Variants in CECR2 observed in about 807,000 individuals in gnomAD.
The protein encoded by CECR2 is chromatin remodeling regulator CECR2.
Under a neutral mutation model 154.5 loss-of-function variants are expected in CECR2, and 30 were observed. The ratio of observed to expected loss-of-function variants is 0.19; its 90% confidence interval spans 0.15 to 0.26. The LOEUF (loss-of-function observed/expected upper bound fraction) is 0.26, where lower values mean the gene tolerates loss of function less well. Among genes scored for constraint, CECR2 ranks in the 10% least tolerant of loss-of-function variants. CECR2 has a pLI of 1.00. For missense variants in CECR2, 1,743 were observed against 1,829.3 expected (o/e 0.95, Z 0.86); for synonymous variants, 725 against 683.7 (o/e 1.06, Z -0.94).
In CECR2 at chr22:17,453,934, G is replaced by C. The variant is rs574885499; in HGVS notation, c.127-23654G>C. ...GGGAAACAAGCATTTCAAACAGCTG[G>C]AAATGGTCAGAGTGGTCATAAAGAG... is the stretch of plus-strand genomic sequence containing the variant. On this transcript the variant is annotated intron_variant, in intron 1 of 18. Transcript: ENST00000262608. 1.8e-4 allele frequency among the ~76,000 whole-genome samples: 27 copies of C among 152,312 alleles called. No individual in the cohort carries two copies. In the South Asian group the frequency reaches 5.6e-3, roughly 32 times the overall value.
intron 7 of CECR2, 150 bp from the exon 8 acceptor site, chr22:17,511,663 G>T (rs1277092929): frequency 3.7e-6 from 2 of 544,324 alleles, no homozygotes; most frequent in Non-Finnish European, 6.6e-6. Context: ...CAGCTGAGCA[G>T]TGGTTCCTGA....
At chr22:17,417,034 T>A (rs2054166414) in intron 1 of CECR2, among the ~76,000 whole-genome samples, 1 of 150,628 alleles carries the variant, frequency 6.6e-6, no homozygotes. Context: ...TTTTTTTTTT[T>A]TACGACAAAG....
intron 1 of CECR2, among the ~76,000 whole-genome samples, chr22:17,426,675 A>G (rs1252834111): frequency 1.3e-5 from 2 of 152,064 alleles, no homozygotes; most frequent in African/African-American, 2.4e-5. Context: ...TTTTTATTCT[A>G]TAGCTTTCCC....
At chr22:17,538,906 A>T in intron 12 of CECR2, 87 bp from the exon 13 acceptor site, 1 of 1,492,292 alleles carries the variant, frequency 6.7e-7, no homozygotes, top group Non-Finnish European at 9.1e-7. Flanking sequence ...GCATTGCTGA[A>T]TTCTCATTAT....
chr22:17,483,789 T>C, intron 2 of CECR2, among the ~76,000 whole-genome samples: 1 of 152,340 alleles, frequency 6.6e-6, no homozygotes, highest in East Asian at 1.9e-4. Context: ...TTTACAGTGA[T>C]GTACAGTCAT....
At chr22:17,510,747 A>G (rs753588792) in intron 7 of CECR2, among the ~76,000 whole-genome samples, 19 of 152,140 alleles carry the variant, frequency 1.2e-4, no homozygotes, top group Admixed American at 4.6e-4. Flanking sequence ...GACTACAGGC[A>G]CGCACCACCA....
At chr22:17,467,033 A>G (rs1387849690) in intron 1 of CECR2, among the ~76,000 whole-genome samples, 1 of 152,118 alleles carries the variant, frequency 6.6e-6, no homozygotes, top group African/African-American at 2.4e-5. Flanking sequence ...GGGAGTGTTC[A>G]TAAAGTTTTT....
intron 1 of CECR2, among the ~76,000 whole-genome samples, chr22:17,376,198 C>T (rs1438279358): frequency 6.6e-6 from 1 of 152,124 alleles, no homozygotes; most frequent in East Asian, 1.9e-4. Flanking sequence ...TTTATACCCA[C>T]GCTTTGAAAG....
intron 1 of CECR2, among the ~76,000 whole-genome samples, chr22:17,445,861 G>T (rs1416957623): frequency 6.6e-6 from 1 of 152,114 alleles, no homozygotes; most frequent in Non-Finnish European, 1.5e-5. Context: ...CCAAAGTGCT[G>T]GGACCCTGCA....
At chr22:17,543,144 T>C (rs1358656220) in intron 16 of CECR2, 141 bp downstream of exon 16, 17 of 1,059,156 alleles carry the variant, frequency 1.6e-5, no homozygotes, top group East Asian at 2.6e-5. Context: ...TTCTGTTTTG[T>C]TTTTTTGAGA....
At chr22:17,532,360 G>A (rs1026627875) in intron 9 of CECR2, among the ~76,000 whole-genome samples, 3 of 152,290 alleles carry the variant, frequency 2.0e-5, no homozygotes, top group South Asian at 2.1e-4. Context: ...GTGAGAGTCT[G>A]TGGCCTTTCC....
chr22:17,409,130 T>TTTTTG (rs1555904390), intron 1 of CECR2, among the ~76,000 whole-genome samples: 6 of 151,964 alleles, frequency 3.9e-5, no homozygotes, highest in African/African-American at 1.2e-4. Context: ...TCTTGTTTTT[T>TTTTTG]TTTGTTTGTT....
intron 1 of CECR2, among the ~76,000 whole-genome samples, chr22:17,374,783 C>A (rs530099102): frequency 1.3e-5 from 2 of 152,180 alleles, no homozygotes; most frequent in Non-Finnish European, 2.9e-5. Context: ...TCTCCTTAGC[C>A]GGCCTTAACC....
intron 8 of CECR2, among the ~76,000 whole-genome samples, chr22:17,521,690 A>G (rs1234179515): frequency 2.0e-5 from 3 of 152,054 alleles, no homozygotes; most frequent in Non-Finnish European, 4.4e-5. Flanking sequence ...ATTTTCTCCC[A>G]TTCTGTAGGT....
intron 1 of CECR2, among the ~76,000 whole-genome samples, chr22:17,402,630 T>C (rs914204803): frequency 3.3e-5 from 5 of 152,232 alleles, no homozygotes; most frequent in Admixed American, 6.5e-5. Flanking sequence ...TAATCTCTTA[T>C]AATCATGGTA....
intron 1 of CECR2, among the ~76,000 whole-genome samples, chr22:17,422,344 C>T (rs546397292): frequency 4.6e-5 from 7 of 152,156 alleles, no homozygotes; most frequent in Admixed American, 1.3e-4. Context: ...ATTACAGGCG[C>T]GCGCCACCAG....
In CECR2 at chr22:17,401,959, G is replaced by T. The variant is rs114969676; in HGVS notation, c.126+32050G>T. On this transcript the variant is annotated intron_variant, in intron 1 of 18. Transcript: ENST00000262608. ...CTGCTGAGTAGCTGGGGCTACAGGT[G>T]CTCAATACCATACCCAGCTCAACAT... Among the ~76,000 whole-genome samples the T allele has an allele frequency of 3.8e-3, 573 of 152,040 alleles. 3 individuals are homozygous for T. Among genetic ancestry groups the T allele is most frequent in the African/African-American group, 0.013 (537 of 41,456 alleles).
At position 17,548,678 on chromosome 22, in the gene CECR2, G is replaced by T; in HGVS notation, c.3391G>T (p.Ala1131Ser). The T allele has an allele frequency of 6.2e-7, 1 of 1,613,434 alleles. No individual in the cohort carries two copies. Among genetic ancestry groups the T allele is most frequent in the South Asian group, 1.1e-5 (1 of 90,946 alleles). Residue 1131 changes from alanine to serine, a missense_variant, in exon 17 of 19, where the codon GCC (alanine) becomes TCC (serine). Ala to Ser is a moderately conservative substitution (Grantham distance 99). Around this residue, in one of 4 missense-constraint regions of CECR2, gnomAD observed 1,250 missense variants for 1,192.1 expected, o/e 1.05. Coordinates refer to ENST00000262608, the MANE Select transcript of CECR2 (RefSeq NM_001290047.2). ...MPGLEYPNSA[A>S]HYHISPGLQG... is the part of the protein sequence containing the mutation. Reference sequence around the variant, plus strand: ...TGGCCTAGAGTACCCGAATTCAGCTGCCCATTACCACATCAGTCCAGGCCT... The same window carrying T: ...TGGCCTAGAGTACCCGAATTCAGCTTCCCATTACCACATCAGTCCAGGCCT...
At chr22:17,517,132 C>T (rs2056072534) in intron 8 of CECR2, among the ~76,000 whole-genome samples, 1 of 152,236 alleles carries the variant, frequency 6.6e-6, no homozygotes, top group African/African-American at 2.4e-5. Context: ...CCTCCTCAGC[C>T]TCCCAAAGTG....
Sources: allele counts gnomAD v4.1 joint callset (sites outside exome capture counted in the v4.1 genomes callset), GRCh38; gene constraint gnomAD v4.1.1; regional missense constraint gnomAD v4.1.1; transcripts MANE v1.5; gene names NCBI Gene and HGNC (gene_info 2026-07-23, HGNC 2026-07-21).